GALNT5: variants seen among roughly 807,000 people sequenced by gnomAD.
GALNT5 encodes the protein polypeptide N-acetylgalactosaminyltransferase 5.
Under a neutral mutation model 85.4 loss-of-function variants are expected in GALNT5, and 72 were observed. That is an observed-to-expected ratio of 0.84 (90% CI 0.70 to 1.03). The LOEUF (loss-of-function observed/expected upper bound fraction) is 1.03. Ranked by LOEUF, GALNT5 falls within the 50% of genes least tolerant of loss-of-function variation. The pLI, the probability that GALNT5 is intolerant of heterozygous loss-of-function variation, is 0.00. For synonymous variants in GALNT5, 404 were observed against 397.0 expected, an observed-to-expected ratio of 1.02 and a Z score of -0.21; for missense variants, 1,137 against 1,135.5, an observed-to-expected ratio of 1.00 and a Z score of -0.02.
chr2:157,287,024 T>C (rs926337453), intron 3 of GALNT5, among the ~76,000 whole-genome samples: 1 of 151,968 alleles, frequency 6.6e-6, no homozygotes, highest in African/African-American at 2.4e-5. Flanking sequence ...ATAAATGTTT[T>C]TGGAGTGAAA....
At chr2:157,296,737 T>G (rs1304703061) in intron 5 of GALNT5, among the ~76,000 whole-genome samples, 2 of 152,162 alleles carry the variant, frequency 1.3e-5, no homozygotes, top group African/African-American at 4.8e-5. Context: ...CACAGAAAAA[T>G]TCACTAATGC....
rs749274977 is a variant in GALNT5, at chr2:157,259,176, A to C, written c.1094A>C (p.Glu365Ala). ...AAACACATTTCCAGGAATAGAAGTG[A>C]GATGTCTTCCTCTTCACTTGCTCCA... ...QSKHISRNRS[E>A]MSSSSLAPHR... Residue 365 changes from glutamate (E) to alanine (A), a missense_variant, in exon 1 of 10, where the codon GAG (glutamate) becomes GCG (alanine). Coordinates refer to ENST00000259056, the MANE Select transcript of GALNT5 (RefSeq NM_014568.3). 5.0e-5 allele frequency: 76 copies of C among 1,532,092 alleles called. No homozygotes were observed. Among genetic ancestry groups the C allele is most frequent in the Non-Finnish European group, 6.6e-5 (75 of 1,143,026 alleles). The allele number at this position is 1,532,092 out of a possible 1,614,324, so 94.9% of individuals were successfully genotyped here. A position where few individuals can be genotyped will look rare whatever the true frequency, so the allele number is the denominator to read the frequency against.
chr2:157,277,843 T>C (rs1682770005), intron 1 of GALNT5, among the ~76,000 whole-genome samples: 1 of 152,230 alleles, frequency 6.6e-6, no homozygotes, highest in African/African-American at 2.4e-5. Context: ...TATTGTTATG[T>C]TTGAATTTGA....
rs1683326831 is a variant in GALNT5, at chr2:157,300,848, A to G, written c.2288A>G (p.His763Arg). ...LDEYKELFYG[H>R]GDHLIDQGLD... ...GAGTATAAGGAGCTGTTCTATGGCCACGGAGACCACCTCATCGACCAAGGG... is the reference window on the plus strand; with the variant it reads ...GAGTATAAGGAGCTGTTCTATGGCCGCGGAGACCACCTCATCGACCAAGGG... Residue 763 changes from histidine to arginine, a missense_variant, in exon 7 of 10, where the codon CAC (histidine) becomes CGC (arginine). Transcript: ENST00000259056. 4 of 1,614,050 alleles carry G rather than the reference A, an allele frequency of 2.5e-6. No homozygotes were observed. The highest frequency in any genetic ancestry group is 3.4e-6 in the Non-Finnish European group (4 of 1,179,950).
At chr2:157,272,991 G>A (rs1051575233) in intron 1 of GALNT5, among the ~76,000 whole-genome samples, 12 of 152,170 alleles carry the variant, frequency 7.9e-5, no homozygotes, top group Middle Eastern at 3.2e-3. Flanking sequence ...CGACAGTATG[G>A]AAGTGTATAA....
intron 1 of GALNT5, among the ~76,000 whole-genome samples, chr2:157,281,316 C>T (rs1423265943): frequency 6.6e-6 from 1 of 152,168 alleles, no homozygotes. Flanking sequence ...CCACCCACCC[C>T]GGCCTCCCAG....
chr2:157,304,911 G>T (rs1369113441), intron 7 of GALNT5, among the ~76,000 whole-genome samples: 2 of 152,120 alleles, frequency 1.3e-5, no homozygotes, highest in Admixed American at 1.3e-4. Flanking sequence ...AGAACAGGAA[G>T]GACACAAATA....
At chr2:157,280,990 C>T (rs116377733) in intron 1 of GALNT5, among the ~76,000 whole-genome samples, 3,802 of 152,292 alleles carry the variant, frequency 0.025, 161 homozygotes, top group East Asian at 0.13. Flanking sequence ...GCTTCCTGTA[C>T]AGCCTGCAGA....
chr2:157,283,161 T>C (rs1452368014), intron 1 of GALNT5, among the ~76,000 whole-genome samples: 3 of 152,156 alleles, frequency 2.0e-5, no homozygotes, highest in African/African-American at 7.2e-5. Flanking sequence ...TGCAGAATCA[T>C]GGACTAGTCT....
At chr2:157,266,231 G>C (rs1023552026) in intron 1 of GALNT5, among the ~76,000 whole-genome samples, 1 of 152,146 alleles carries the variant, frequency 6.6e-6, no homozygotes, top group African/African-American at 2.4e-5. Context: ...TTAGCAAAGT[G>C]TTACCTCTCT....
At chr2:157,289,834 G>A (rs1683055554) in intron 3 of GALNT5, among the ~76,000 whole-genome samples, 1 of 152,024 alleles carries the variant, frequency 6.6e-6, no homozygotes, top group African/African-American at 2.4e-5. Flanking sequence ...CACTTTGGGA[G>A]GCCAAGGCAG....
At chr2:157,299,749 T>G (rs1429764710) in intron 6 of GALNT5, 84 bp downstream of exon 6, 7 of 681,060 alleles carry the variant, frequency 1.0e-5, no homozygotes, top group Non-Finnish European at 1.8e-5. Flanking sequence ...CATAATCAGG[T>G]ATGTGACTGC....
intron 1 of GALNT5, among the ~76,000 whole-genome samples, chr2:157,277,106 T>G (rs956665330): frequency 3.3e-4 from 51 of 152,324 alleles, no homozygotes; most frequent in African/African-American, 1.2e-3. Context: ...GAGCAGGTTG[T>G]TCAGTCTCCA....
chr2:157,258,872 G>C lies in GALNT5; in HGVS notation c.790G>C (p.Glu264Gln). The C allele has an allele frequency of 4.4e-6, 7 of 1,573,564 alleles. No homozygotes were observed. The highest frequency in any genetic ancestry group is 6.0e-6 in the Non-Finnish European group (7 of 1,162,612). ...AAACAAAACTAAGACTCAGAGCAAA[G>C]AAGTCAATGCAAATAAACACAAAGC... ...ALNKTKTQSK[E>Q]VNANKHKANT... Residue 264 changes from glutamate (E) to glutamine (Q), a missense_variant, in exon 1 of 10, where the codon GAA becomes CAA. Glu to Gln is a conservative substitution (Grantham distance 29). Coordinates refer to ENST00000259056, the MANE Select transcript of GALNT5 (RefSeq NM_014568.3).
chr2:157,289,140 C>T (rs548302997), intron 3 of GALNT5, among the ~76,000 whole-genome samples: 3 of 146,022 alleles, frequency 2.1e-5, no homozygotes, highest in African/African-American at 8.3e-5. Flanking sequence ...TCTCTGCCTG[C>T]ACGGAGCACA....
In GALNT5 at chr2:157,311,596, C is replaced by T. The variant is rs1226001872; in HGVS notation, c.*248C>T. On this transcript the variant is annotated 3_prime_UTR_variant, in exon 10 of 10. Transcript: ENST00000259056. ...TGCCTGCTTTCCACCCTATGCTAGACCTCATCATGCAAATTTCCCTGTGAA... is the reference window on the plus strand; with the variant it reads ...TGCCTGCTTTCCACCCTATGCTAGATCTCATCATGCAAATTTCCCTGTGAA... 3 of 292,876 alleles carry T rather than the reference C, an allele frequency of 1.0e-5. No individual in the cohort carries two copies. Among genetic ancestry groups the T allele is most frequent in the Non-Finnish European group, 1.9e-5 (3 of 159,876 alleles). The allele number at this position is 292,876 out of a possible 1,614,324, so 18.1% of individuals were successfully genotyped here. A position where few individuals can be genotyped will look rare whatever the true frequency, so the allele number is the denominator to read the frequency against.
chr2:157,306,353 G>A (rs1319278136), intron 8 of GALNT5, among the ~76,000 whole-genome samples: 1 of 152,024 alleles, frequency 6.6e-6, no homozygotes, highest in Non-Finnish European at 1.5e-5. Context: ...TCATTTTCCC[G>A]CATTTTAAGG....
chr2:157,271,855 C>G (rs1682592760), intron 1 of GALNT5, among the ~76,000 whole-genome samples: 1 of 152,126 alleles, frequency 6.6e-6, no homozygotes, highest in Admixed American at 6.5e-5. Context: ...AAGATATTAT[C>G]ACACTTAAAA....
At chr2:157,295,951 T>A (rs1683206147) in intron 4 of GALNT5, among the ~76,000 whole-genome samples, 153 bp downstream of exon 4, 5 of 152,212 alleles carry the variant, frequency 3.3e-5, no homozygotes, top group Admixed American at 3.3e-4. Flanking sequence ...ATGGTCGATA[T>A]CTTGGGATCA....
Sources: gnomAD v4.1 joint callset for allele counts (sites outside exome capture counted in the v4.1 genomes callset) on GRCh38, gnomAD v4.1.1 for gene constraint, MANE v1.5 for transcripts, NCBI Gene and HGNC (gene_info 2026-07-23, HGNC 2026-07-21) for gene names.